The following DNAAF4 variants were observed in gnomAD, a reference collection of about 807,000 sequenced individuals.
DNAAF4 encodes the protein dynein assembly factor 4, axonemal.
A neutral mutation model predicts 51.8 loss-of-function variants in DNAAF4; 43 were observed. The observed-to-expected ratio is 0.83, with a 90% CI of 0.65 to 1.07. DNAAF4 has a LOEUF of 1.07. Ranked by LOEUF, DNAAF4 falls within the 50% of genes least tolerant of loss-of-function variation. DNAAF4 has a pLI of 0.00. For missense variants in DNAAF4, 581 were observed against 493.0 expected (o/e 1.18, Z -1.69); for synonymous variants, 194 against 165.6 (o/e 1.17, Z -1.32).
At chr15:55,443,462 G>A (rs1310793009) in intron 6 of DNAAF4, 3 of 573,060 alleles carry the variant, frequency 5.2e-6, no homozygotes, top group East Asian at 5.8e-5. Context: ...GGACATTTGG[G>A]TTGGTTCCAA....
chr15:55,450,475 T>TC, intron 5 of DNAAF4, 108 bp from the exon 6 acceptor site: 1 of 1,222,374 alleles, frequency 8.2e-7, no homozygotes. Context: ...CCTAAACAAA[T>TC]AAATCAAATA....
rs1273818845 is a variant in DNAAF4, at chr15:55,434,889, A to C, written c.1047+16T>G. ...ATATATTTAAAGCACCATATATCATACATAGATATCCATACCTTAGAAGAA... is the reference window on the plus strand; with the variant it reads ...ATATATTTAAAGCACCATATATCATCCATAGATATCCATACCTTAGAAGAA... On this transcript the variant is annotated intron_variant, in intron 8 of 9. Coordinates refer to ENST00000321149, the MANE Select transcript of DNAAF4 (RefSeq NM_130810.4). 6.3e-7 allele frequency: 1 copy of C among 1,588,192 alleles called. No homozygotes were observed. Among genetic ancestry groups the C allele is most frequent in the Admixed American group, 1.9e-5 (1 of 53,042 alleles).
chr15:55,507,189 G>T (rs1314846261), intron 1 of DNAAF4, among the ~76,000 whole-genome samples: 1 of 152,102 alleles, frequency 6.6e-6, no homozygotes, highest in African/African-American at 2.4e-5. Flanking sequence ...GAATCCACTA[G>T]ATAAGGATTC....
intron 3 of DNAAF4, among the ~76,000 whole-genome samples, chr15:55,495,942 T>G (rs546118410): frequency 6.6e-6 from 1 of 152,208 alleles, no homozygotes. Flanking sequence ...ACTGGGGATG[T>G]CAGGCCGGTC....
At chr15:55,507,087 G>C (rs1396714366) in intron 1 of DNAAF4, among the ~76,000 whole-genome samples, 1 of 152,068 alleles carries the variant, frequency 6.6e-6, no homozygotes, top group Non-Finnish European at 1.5e-5. Context: ...CTGACCTCAG[G>C]TGATCCGTTC....
intron 6 of DNAAF4, among the ~76,000 whole-genome samples, chr15:55,446,236 A>G (rs2057806996): frequency 8.4e-6 from 1 of 118,646 alleles, no homozygotes; most frequent in African/African-American, 3.4e-5. Flanking sequence ...GCAGCTGGGC[A>G]GAGGCGCTCC....
intron 5 of DNAAF4, among the ~76,000 whole-genome samples, chr15:55,456,690 C>G (rs2141477721): frequency 6.6e-6 from 1 of 152,274 alleles, no homozygotes; most frequent in African/African-American, 2.4e-5. Context: ...ACCGTGAGTT[C>G]CCAAAGTGTG....
At chr15:55,464,939 G>A (rs2058146928) in intron 5 of DNAAF4, among the ~76,000 whole-genome samples, 1 of 152,120 alleles carries the variant, frequency 6.6e-6, no homozygotes, top group Admixed American at 6.6e-5. Flanking sequence ...TGGGCAACAA[G>A]AGCGAAATTC....
At chr15:55,487,459 A>G (rs1167664455) in intron 4 of DNAAF4, among the ~76,000 whole-genome samples, 1 of 152,204 alleles carries the variant, frequency 6.6e-6, no homozygotes, top group Non-Finnish European at 1.5e-5. Context: ...ATAAGGGAAT[A>G]AAAGCTGGCC....
rs1395532904 is a variant in DNAAF4, at chr15:55,447,864, G to GAGGGGGC, written c.783+2357_783+2358insGCCCCCT. 3.1e-3 allele frequency among the ~76,000 whole-genome samples: 407 copies of GAGGGGGC among 131,800 alleles called. 13 individuals carry two copies. Among genetic ancestry groups the GAGGGGGC allele is most frequent in the Non-Finnish European group, 5.0e-3 (299 of 59,762 alleles). 86.5% of individuals were successfully genotyped at this position (131,800 alleles called of 152,430 possible). A position where few individuals can be genotyped will look rare whatever the true frequency, so the allele number is the denominator to read the frequency against. ...AGGGGAGAGGGCAGAGGGGAGAGGG[G>GAGGGGGC]AGAGGGGAGAGGGGAGAGGGGAGCC... On this transcript the variant is annotated intron_variant, in intron 6 of 9. Transcript: ENST00000321149.
At chr15:55,431,145 C>T (rs1341274838) in intron 9 of DNAAF4, among the ~76,000 whole-genome samples, 1 of 152,060 alleles carries the variant, frequency 6.6e-6, no homozygotes, top group East Asian at 1.9e-4. Flanking sequence ...GATCTCCTGA[C>T]CTCATGATCC....
chr15:55,452,104 C>T (rs1436626720), intron 5 of DNAAF4, among the ~76,000 whole-genome samples: 2 of 151,122 alleles, frequency 1.3e-5, no homozygotes, highest in African/African-American at 4.9e-5. Flanking sequence ...AAAAATTAGT[C>T]AGGGGTGGTG....
intron 9 of DNAAF4, among the ~76,000 whole-genome samples, chr15:55,431,341 C>T (rs1015977287): frequency 3.4e-5 from 5 of 145,122 alleles, no homozygotes; most frequent in South Asian, 2.2e-4. Context: ...CAGTTATTTC[C>T]GAGCTTAGGT....
chr15:55,460,103 AG>A (rs1380732749), intron 5 of DNAAF4, among the ~76,000 whole-genome samples: 2 of 152,160 alleles, frequency 1.3e-5, no homozygotes, highest in Non-Finnish European at 2.9e-5. Context: ...TTAGTCCAAC[AG>A]GAAAATATCA....
At chr15:55,462,460 G>GCCT (rs2058106798) in intron 5 of DNAAF4, among the ~76,000 whole-genome samples, 1 of 152,032 alleles carries the variant, frequency 6.6e-6, no homozygotes, top group African/African-American at 2.4e-5. Context: ...CAAAGGCTGG[G>GCCT]ATTACAGGTA....
intron 7 of DNAAF4, among the ~76,000 whole-genome samples, 189 bp from the exon 8 acceptor site, chr15:55,435,247 A>AAGGT: frequency 6.6e-6 from 1 of 150,940 alleles, no homozygotes; most frequent in Non-Finnish European, 1.5e-5. Context: ...AATGGACCTC[A>AAGGT]CTCCCACCTC....
intron 7 of DNAAF4, among the ~76,000 whole-genome samples, chr15:55,423,642 C>A (rs1049930113): frequency 6.6e-6 from 1 of 152,142 alleles, no homozygotes; most frequent in Non-Finnish European, 1.5e-5. Flanking sequence ...TCATGTTAGT[C>A]CTTAATATGG....
chr15:55,463,685 C>A, intron 5 of DNAAF4, among the ~76,000 whole-genome samples: 1 of 151,930 alleles, frequency 6.6e-6, no homozygotes, highest in East Asian at 1.9e-4. Flanking sequence ...ACCTCTTTTA[C>A]AACAGCTGCA....
chr15:55,491,391 C>A, intron 3 of DNAAF4, 135 bp from the exon 4 acceptor site: 6 of 842,314 alleles, frequency 7.1e-6, no homozygotes, highest in African/African-American at 3.5e-5. Flanking sequence ...AAATATTTTT[C>A]AATATTAAAC....
Sources: gnomAD v4.1 joint callset for allele counts (sites outside exome capture counted in the v4.1 genomes callset) on GRCh38, gnomAD v4.1.1 for gene constraint, MANE v1.5 for transcripts, NCBI Gene and HGNC (gene_info 2026-07-23, HGNC 2026-07-21) for gene names.